GRAMD2B: variants seen among roughly 807,000 people sequenced by gnomAD.
GRAMD2B encodes the protein GRAM domain-containing protein 2B.
A neutral mutation model predicts 59.2 loss-of-function variants in GRAMD2B; 41 were observed. The ratio of observed to expected loss-of-function variants is 0.69; its 90% CI spans 0.54 to 0.90. The LOEUF (loss-of-function observed/expected upper bound fraction) is 0.90, where lower values mean the gene tolerates loss of function less well. Among genes scored for constraint, GRAMD2B ranks in the 40% least tolerant of loss-of-function variants. The probability of loss-of-function intolerance (pLI) is 0.00; values close to 1 mark genes in which losing one functional copy is unlikely to be tolerated. For synonymous variants in GRAMD2B, 161 were observed against 182.7 expected (o/e 0.88, Z 0.96); for missense variants, 424 against 500.5 (o/e 0.85, Z 1.46).
intron 1 of GRAMD2B, among the ~76,000 whole-genome samples, chr5:126,394,173 G>A (rs933012060): frequency 6.6e-6 from 1 of 151,928 alleles, no homozygotes; most frequent in Non-Finnish European, 1.5e-5. Context: ...TACTCGGGAG[G>A]CTGAGGCAGG....
chr5:126,363,188 T>A (rs924783546), intron 1 of GRAMD2B, among the ~76,000 whole-genome samples: 2 of 152,108 alleles, frequency 1.3e-5, no homozygotes, highest in Non-Finnish European at 2.9e-5. Flanking sequence ...CCAAAGAGAA[T>A]ACACAAATGG....
intron 1 of GRAMD2B, among the ~76,000 whole-genome samples, chr5:126,442,284 CTTTTT>C (rs1039279864): frequency 4.3e-5 from 6 of 140,414 alleles, no homozygotes; most frequent in Admixed American, 1.4e-4. Flanking sequence ...TTTTTCTTTT[CTTTTT>C]TTTCTTTTTT....
intron 1 of GRAMD2B, among the ~76,000 whole-genome samples, chr5:126,434,273 C>T (rs888467910): frequency 2.6e-5 from 4 of 152,056 alleles, no homozygotes; most frequent in Non-Finnish European, 5.9e-5. Flanking sequence ...GTTGGTATGT[C>T]ATAAGTATTA....
chr5:126,382,705 C>T (rs754454805), intron 1 of GRAMD2B, among the ~76,000 whole-genome samples: 13 of 152,150 alleles, frequency 8.5e-5, no homozygotes, highest in Admixed American at 2.6e-4. Flanking sequence ...TCAGAGATTT[C>T]TTCCTGGTTT....
intron 1 of GRAMD2B, among the ~76,000 whole-genome samples, chr5:126,459,440 T>G (rs1766945829): frequency 6.6e-6 from 1 of 152,208 alleles, no homozygotes; most frequent in South Asian, 2.1e-4. Flanking sequence ...CTTAAGATTA[T>G]TTATTTTAAA....
chr5:126,376,483 T>A (rs971711054), intron 1 of GRAMD2B, among the ~76,000 whole-genome samples: 1 of 152,192 alleles, frequency 6.6e-6, no homozygotes, highest in African/African-American at 2.4e-5. Context: ...TGCCCTTCTT[T>A]CCTTCTGCCC....
intron 1 of GRAMD2B, among the ~76,000 whole-genome samples, chr5:126,436,613 C>A (rs1438493788): frequency 1.3e-5 from 2 of 152,212 alleles, no homozygotes; most frequent in Admixed American, 1.3e-4. Context: ...TATCATGCCA[C>A]TGCACTTCAG....
upstream of GRAMD2B, among the ~76,000 whole-genome samples, chr5:126,422,218 G>C (rs1759804587): frequency 7.3e-6 from 1 of 136,354 alleles, no homozygotes; most frequent in Admixed American, 7.6e-5. Context: ...TTTTTTTTGA[G>C]ACAGGGTCTC....
intron 1 of GRAMD2B, among the ~76,000 whole-genome samples, chr5:126,428,462 G>A (rs141944738): frequency 2.6e-5 from 4 of 152,182 alleles, no homozygotes; most frequent in Admixed American, 2.0e-4. Flanking sequence ...AGTTTGAAAG[G>A]TTTTGAAAAA....
At chr5:126,491,321 A>G (rs1773894439) in intron 13 of GRAMD2B, among the ~76,000 whole-genome samples, 1 of 152,220 alleles carries the variant, frequency 6.6e-6, no homozygotes, top group Non-Finnish European at 1.5e-5. Context: ...GAAGAAAGCA[A>G]TGTCTCTTAC....
intron 1 of GRAMD2B, among the ~76,000 whole-genome samples, chr5:126,436,836 T>C (rs1270142840): frequency 1.3e-5 from 2 of 151,960 alleles, no homozygotes; most frequent in Non-Finnish European, 2.9e-5. Flanking sequence ...CTGAGAGAAA[T>C]TTTGAAGGAG....
At chr5:126,485,859 G>A (rs1225216217) in intron 11 of GRAMD2B, 86 bp downstream of exon 11, 2 of 765,214 alleles carry the variant, frequency 2.6e-6, no homozygotes, top group East Asian at 2.8e-5. Flanking sequence ...AAGACCTACT[G>A]TAAATCTCAA....
chr5:126,362,964 TA>T (rs1754284647), intron 1 of GRAMD2B, among the ~76,000 whole-genome samples: 3 of 152,190 alleles, frequency 2.0e-5, no homozygotes, highest in African/African-American at 4.8e-5. Context: ...AGAAAATTGA[TA>T]ACCTGGACTC....
chr5:126,480,966 A>ATG (rs1208555728), intron 8 of GRAMD2B: 1 of 509,936 alleles, frequency 2.0e-6, no homozygotes, highest in East Asian at 3.3e-5. Flanking sequence ...TGGTCAGTGA[A>ATG]TGCATTCATA....
At chr5:126,375,188 T>G (rs1194011600) in intron 1 of GRAMD2B, among the ~76,000 whole-genome samples, 1 of 152,204 alleles carries the variant, frequency 6.6e-6, no homozygotes, top group South Asian at 2.1e-4. Flanking sequence ...TATTTTACAT[T>G]GTATTTTCTT....
chr5:126,484,303 G>T, intron 9 of GRAMD2B, 99 bp from the exon 10 acceptor site: 1 of 1,364,386 alleles, frequency 7.3e-7, no homozygotes, highest in South Asian at 1.5e-5. Flanking sequence ...TCACATTCTT[G>T]ACCATTATGC....
intron 1 of GRAMD2B, among the ~76,000 whole-genome samples, chr5:126,415,282 T>G (rs539500754): frequency 6.6e-6 from 1 of 152,340 alleles, no homozygotes; most frequent in Admixed American, 6.5e-5. Flanking sequence ...TGATGTTACC[T>G]GGCACTGTAT....
intron 1 of GRAMD2B, among the ~76,000 whole-genome samples, chr5:126,416,142 T>G (rs953294602): frequency 6.6e-6 from 1 of 152,210 alleles, no homozygotes; most frequent in Non-Finnish European, 1.5e-5. Context: ...CCCTAAATTG[T>G]TGCCTGTGGA....
chr5:126,415,894 T>C (rs1186997686), intron 1 of GRAMD2B, among the ~76,000 whole-genome samples: 1 of 152,082 alleles, frequency 6.6e-6, no homozygotes, highest in Non-Finnish European at 1.5e-5. Flanking sequence ...ATAGAAAATA[T>C]GTAATATAAA....
Sources: gnomAD v4.1 joint callset for allele counts (sites outside exome capture counted in the v4.1 genomes callset) on GRCh38, gnomAD v4.1.1 for gene constraint, MANE v1.5 for transcripts, NCBI Gene and HGNC (gene_info 2026-07-23, HGNC 2026-07-21) for gene names.